SMCHD1: variants seen among roughly 807,000 people sequenced by gnomAD.
SMCHD1 encodes structural maintenance of chromosomes flexible hinge domain containing 1.
A neutral mutation model predicts 254.7 loss-of-function variants in SMCHD1; 78 were observed. That is an observed-to-expected ratio of 0.31 (90% CI 0.26 to 0.37). SMCHD1 has a LOEUF of 0.37. SMCHD1 is among the 10% of genes least tolerant of loss of function. The pLI is 1.00. For missense variants in SMCHD1, 1,840 were observed against 2,408.1 expected, an observed-to-expected ratio of 0.76 and a Z score of 4.94; for synonymous variants, 766 against 794.9, an observed-to-expected ratio of 0.96 and a Z score of 0.61.
intron 5 of SMCHD1, among the ~76,000 whole-genome samples, chr18:2,677,115 A>G (rs1027529810): frequency 2.6e-5 from 4 of 151,078 alleles, no homozygotes; most frequent in African/African-American, 9.7e-5. Flanking sequence ...TTTCCTCAGC[A>G]TTGTTTTTTT....
chr18:2,688,827 A>G (rs2074109604), intron 7 of SMCHD1, 80 bp downstream of exon 7: 1 of 883,542 alleles, frequency 1.1e-6, no homozygotes, highest in Non-Finnish European at 1.6e-6. Context: ...GAAAGTATGA[A>G]ATTTTCAAAA....
intron 3 of SMCHD1, chr18:2,672,983 G>A: frequency 1.3e-6 from 1 of 757,146 alleles, no homozygotes; most frequent in African/African-American, 1.9e-5. Context: ...ATGGTCTTCT[G>A]TTTGTCTCTT....
At chr18:2,782,378 A>G (rs1473997881) in intron 44 of SMCHD1, among the ~76,000 whole-genome samples, 2 of 152,212 alleles carry the variant, frequency 1.3e-5, no homozygotes, top group Non-Finnish European at 2.9e-5. Context: ...TCCTTCTACC[A>G]TAACTCTTCC....
intron 24 of SMCHD1, among the ~76,000 whole-genome samples, chr18:2,731,856 C>T (rs1007821606): frequency 6.6e-6 from 1 of 152,058 alleles, no homozygotes; most frequent in African/African-American, 2.4e-5. Context: ...GCTGAAAATA[C>T]AAAAATTATC....
chr18:2,762,492 CTTTTTTTTTT>C (rs10708453), intron 36 of SMCHD1, among the ~76,000 whole-genome samples: 8 of 126,838 alleles, frequency 6.3e-5, no homozygotes, highest in Non-Finnish European at 1.2e-4. Flanking sequence ...ATCTGCCTAC[CTTTTTTTTTT>C]TTTTTTTTTG....
At chr18:2,732,875 A>C (rs2075169678) in intron 25 of SMCHD1, among the ~76,000 whole-genome samples, 1 of 152,234 alleles carries the variant, frequency 6.6e-6, no homozygotes, top group African/African-American at 2.4e-5. Context: ...CAAGCAGTGA[A>C]ACAGTGTTGT....
rs1240246667 is a variant in SMCHD1 at position 2,685,114 on chromosome 18, T to TTG, written c.639-3279_639-3278insGT. Among the ~76,000 whole-genome samples the TTG allele has an allele frequency of 3.5e-5, 5 of 144,472 alleles. No homozygotes were observed. The Admixed American group carries it at 3.5e-4, about 10-fold the overall frequency. 94.8% of individuals were successfully genotyped at this position (144,472 alleles called of 152,430 possible). ...CCCTTATTTTTTTCTTTTTTTTTTT[T>TTG]TTTTGAGACGAGTCTCGTTCTTTTG... On this transcript the variant is annotated intron_variant, in intron 5 of 47. Transcript: ENST00000320876.
chr18:2,775,599 T>C (rs2076054100), intron 41 of SMCHD1, 135 bp from the exon 42 acceptor site: 1 of 610,162 alleles, frequency 1.6e-6, no homozygotes, highest in South Asian at 2.8e-5. Context: ...AGTTAAGTTT[T>C]TGACAACTTG....
chr18:2,782,918 C>T (rs911159889), intron 44 of SMCHD1, among the ~76,000 whole-genome samples: 1 of 152,024 alleles, frequency 6.6e-6, no homozygotes, highest in Non-Finnish European at 1.5e-5. Flanking sequence ...GTGGTTATTT[C>T]TTGTAAAAAC....
chr18:2,751,687 A>G (rs886456294), intron 33 of SMCHD1, among the ~76,000 whole-genome samples: 2 of 152,176 alleles, frequency 1.3e-5, no homozygotes, highest in Non-Finnish European at 1.5e-5. Context: ...ATTAAATATG[A>G]GGGGATAATA....
chr18:2,706,328 GTTTTC>G (rs1466170047), intron 14 of SMCHD1, 31 bp from the exon 15 acceptor site: 46 of 1,391,692 alleles, frequency 3.3e-5, no homozygotes, highest in Middle Eastern at 1.8e-4. Flanking sequence ...GATTTAAATA[GTTTTC>G]TTTGAAATGT....
intron 1 of SMCHD1, among the ~76,000 whole-genome samples, chr18:2,661,143 A>G (rs946763627): frequency 1.3e-5 from 2 of 152,200 alleles, no homozygotes; most frequent in African/African-American, 2.4e-5. Context: ...ACACATGAAC[A>G]TAGGGCGGGG....
intron 3 of SMCHD1, among the ~76,000 whole-genome samples, chr18:2,671,696 C>T (rs644169): frequency 0.12 from 18,162 of 150,578 alleles, 3,112 homozygotes; most frequent in African/African-American, 0.38. Flanking sequence ...CCCGGGTTCA[C>T]GCCATTCTCC....
In SMCHD1 at chr18:2,765,403, T is replaced by C. The variant is rs149193800; in HGVS notation, c.4719+1614T>C. On this transcript the variant is annotated intron_variant, in intron 37 of 47. Transcript: ENST00000320876. ...TTTCTTGTATTTTTGTTGTTGTTCA[T>C]TTCTGTGTCTAACTCATTGCAGCAT... Among the ~76,000 whole-genome samples, 1,348 of 152,326 alleles carry C rather than the reference T, an allele frequency of 8.8e-3. 22 individuals are homozygous for C. The highest frequency in any genetic ancestry group is 0.031 in the African/African-American group (1,276 of 41,570).
At position 2,729,707 on chromosome 18, in the gene SMCHD1, C is replaced by T. The variant is rs66771342; in HGVS notation, c.3048+298C>T. ...ATTAAAATACATAATTTTATTCTTT[C>T]GCTTTTTTTTTTTTTTAAAGAGATA... On this transcript the variant is annotated intron_variant, in intron 24 of 47. Coordinates refer to ENST00000320876, the MANE Select transcript of SMCHD1 (RefSeq NM_015295.3). Among the ~76,000 whole-genome samples the T allele has an allele frequency of 0.4, 59,100 of 148,468 alleles. 12,391 individuals carry two copies. The highest frequency in any genetic ancestry group is 0.6 in the South Asian group (2,867 of 4,760).
At chr18:2,678,558 C>A (rs905124379) in intron 5 of SMCHD1, among the ~76,000 whole-genome samples, 17 of 152,136 alleles carry the variant, frequency 1.1e-4, no homozygotes, top group African/African-American at 3.6e-4. Flanking sequence ...CTTAGGTAAT[C>A]CGCCCACCTC....
chr18:2,672,343 C>T (rs1185846026), intron 3 of SMCHD1, among the ~76,000 whole-genome samples: 2 of 152,166 alleles, frequency 1.3e-5, no homozygotes, highest in African/African-American at 4.8e-5. Flanking sequence ...TCTCCTGCCT[C>T]AGCCTCCCGA....
chr18:2,673,768 C>T (rs1330590847), intron 4 of SMCHD1, among the ~76,000 whole-genome samples: 1 of 152,148 alleles, frequency 6.6e-6, no homozygotes, highest in African/African-American at 2.4e-5. Flanking sequence ...CACCTTGGTA[C>T]ATGTCTCTGA....
intron 22 of SMCHD1, 157 bp from the exon 23 acceptor site, chr18:2,728,300 G>T (rs2075064374): frequency 3.0e-6 from 2 of 670,166 alleles, no homozygotes; most frequent in African/African-American, 3.7e-5. Flanking sequence ...TGCATTTTGG[G>T]ATGAAACTGA....
Sources: allele counts gnomAD v4.1 joint callset (sites outside exome capture counted in the v4.1 genomes callset), GRCh38; gene constraint gnomAD v4.1.1; transcripts MANE v1.5; gene names NCBI Gene and HGNC (gene_info 2026-07-23, HGNC 2026-07-21).